MYT1L: variants seen among roughly 807,000 people sequenced by gnomAD.
MYT1L encodes the protein myelin transcription factor 1-like protein.
A neutral mutation model predicts 126.7 loss-of-function variants in MYT1L; 12 were observed. The observed-to-expected ratio is 0.09, with a 90% CI of 0.06 to 0.15. The LOEUF (loss-of-function observed/expected upper bound fraction) is 0.15, where lower values mean the gene tolerates loss of function less well. MYT1L is among the 10% of genes least tolerant of loss of function. The pLI is 1.00. For synonymous variants in MYT1L, 541 were observed against 604.2 expected (o/e 0.90, Z 1.53); for missense variants, 979 against 1,585.2 (o/e 0.62, Z 6.49).
chr2:2,209,324 C>T (rs2093422902), intron 2 of MYT1L, among the ~76,000 whole-genome samples: 1 of 152,132 alleles, frequency 6.6e-6, no homozygotes, highest in African/African-American at 2.4e-5. Context: ...CCTTGTTGTG[C>T]TATCAAATAC....
At chr2:2,215,817 C>G (rs1053005369) in intron 2 of MYT1L, among the ~76,000 whole-genome samples, 1 of 152,074 alleles carries the variant, frequency 6.6e-6, no homozygotes, top group Non-Finnish European at 1.5e-5. Context: ...TTGCATCCCC[C>G]AGTGTTGGAG....
At chr2:1,941,524 A>G (rs966560629) in intron 9 of MYT1L, among the ~76,000 whole-genome samples, 1 of 152,204 alleles carries the variant, frequency 6.6e-6, no homozygotes, top group African/African-American at 2.4e-5. Context: ...CTCATGAATG[A>G]CACTGGTGCC....
chr2:1,847,083 C>T (rs768097419), intron 19 of MYT1L, among the ~76,000 whole-genome samples: 1 of 152,166 alleles, frequency 6.6e-6, no homozygotes, highest in African/African-American at 2.4e-5. Flanking sequence ...CGTTTGACTG[C>T]CATGCTGGAG....
chr2:1,790,961 A>G lies in MYT1L; in HGVS notation c.*906T>C. On this transcript the variant is annotated 3_prime_UTR_variant, in exon 25 of 25. Coordinates refer to ENST00000647738, the MANE Select transcript of MYT1L (RefSeq NM_001303052.2). ...ATAACAGACAGTTCAGAGGGGCACG[A>G]AACTCTAGGGGAGATACGAGAAGGT... 3.9e-6 allele frequency: 1 copy of G among 256,864 alleles called. No homozygotes were observed. Among genetic ancestry groups the G allele is most frequent in the Non-Finnish European group, 7.8e-6 (1 of 128,232 alleles). The allele number at this position is 256,864 out of a possible 1,614,324, so 15.9% of individuals were successfully genotyped here.
At chr2:2,156,441 C>A (rs73913228) in intron 3 of MYT1L, among the ~76,000 whole-genome samples, 1,528 of 152,270 alleles carry the variant, frequency 0.01, 28 homozygotes, top group African/African-American at 0.031. Context: ...TGTATCCTCG[C>A]ATAGCAAGAG....
chr2:2,231,007 C>G (rs1227653186), intron 2 of MYT1L, among the ~76,000 whole-genome samples: 1 of 152,116 alleles, frequency 6.6e-6, no homozygotes, highest in Non-Finnish European at 1.5e-5. Context: ...GGGAACTTAC[C>G]CAGCCCCCAC....
rs547368733 is a variant in MYT1L at position 2,161,388 on chromosome 2, A to C, written c.-304+11484T>G. Among the ~76,000 whole-genome samples, 10 of 152,354 alleles carry C rather than the reference A, an allele frequency of 6.6e-5. No homozygotes were observed. The South Asian group carries it at 1.9e-3, about 28-fold the overall frequency. ...TAGGAATTTATGCTAAATTATTTCT[A>C]GCTAAAATTACATGCTCACTTGGAT... On this transcript the variant is annotated intron_variant, in intron 3 of 24. Transcript: ENST00000647738.
intron 8 of MYT1L, among the ~76,000 whole-genome samples, chr2:1,963,573 G>C (rs920774248): frequency 2.0e-5 from 3 of 152,234 alleles, no homozygotes; most frequent in Non-Finnish European, 4.4e-5. Context: ...TTGAAGATCT[G>C]TGATTTAGTG....
At chr2:1,988,730 G>T (rs1330643711) in intron 5 of MYT1L, among the ~76,000 whole-genome samples, 10 of 152,198 alleles carry the variant, frequency 6.6e-5, no homozygotes, top group African/African-American at 1.9e-4. Flanking sequence ...ACAGAGCTTG[G>T]TGCATAGCAG....
intron 8 of MYT1L, among the ~76,000 whole-genome samples, chr2:1,960,605 A>G (rs921698490): frequency 2.6e-5 from 4 of 152,222 alleles, no homozygotes; most frequent in Admixed American, 6.5e-5. Flanking sequence ...TGAGTGTTTC[A>G]GCCACATTAG....
At chr2:2,223,335 T>G (rs2093928350) in intron 2 of MYT1L, among the ~76,000 whole-genome samples, 2 of 152,238 alleles carry the variant, frequency 1.3e-5, no homozygotes, top group Admixed American at 6.5e-5. Flanking sequence ...AGAGAGTATC[T>G]TTGCTAGGCT....
intron 9 of MYT1L, among the ~76,000 whole-genome samples, chr2:1,926,213 C>T (rs922633372): frequency 3.9e-5 from 6 of 152,118 alleles, no homozygotes; most frequent in Non-Finnish European, 5.9e-5. Context: ...GTATTTAACT[C>T]TTTTAAAACA....
intron 9 of MYT1L, among the ~76,000 whole-genome samples, chr2:1,932,642 G>A (rs754819316): frequency 5.3e-5 from 8 of 152,154 alleles, no homozygotes; most frequent in South Asian, 2.1e-4. Flanking sequence ...AAAAGACAAC[G>A]GACAGTACGT....
At chr2:2,277,143 G>A (rs750132699) in intron 2 of MYT1L, among the ~76,000 whole-genome samples, 2 of 151,874 alleles carry the variant, frequency 1.3e-5, no homozygotes, top group Non-Finnish European at 2.9e-5. Flanking sequence ...CACCACCCCC[G>A]GCTAATTTTT....
intron 3 of MYT1L, among the ~76,000 whole-genome samples, chr2:2,095,940 C>A (rs1022699912): frequency 6.6e-6 from 1 of 152,074 alleles, no homozygotes; most frequent in Admixed American, 6.5e-5. Flanking sequence ...CCCCAGATGC[C>A]GCTGAGGAGG....
chr2:2,036,576 C>T (rs1005530878), intron 4 of MYT1L, among the ~76,000 whole-genome samples: 4 of 152,246 alleles, frequency 2.6e-5, no homozygotes, highest in Non-Finnish European at 4.4e-5. Context: ...GGCAGAAACT[C>T]GGCAGCCACG....
intron 8 of MYT1L, among the ~76,000 whole-genome samples, chr2:1,953,220 C>T (rs2058045716): frequency 6.6e-6 from 1 of 152,152 alleles, no homozygotes; most frequent in Non-Finnish European, 1.5e-5. Flanking sequence ...GCCTTGGCCT[C>T]CCAAAGTGCT....
chr2:2,178,984 G>A (rs1404903566), intron 2 of MYT1L, among the ~76,000 whole-genome samples: 1 of 152,160 alleles, frequency 6.6e-6, no homozygotes, highest in African/African-American at 2.4e-5. Context: ...TTTCCATGGG[G>A]CTTAGAAAAA....
At chr2:2,132,280 T>TA (rs1479436363) in intron 3 of MYT1L, among the ~76,000 whole-genome samples, 1 of 151,996 alleles carries the variant, frequency 6.6e-6, no homozygotes, top group Non-Finnish European at 1.5e-5. Context: ...CATGCACACA[T>TA]ACGTTTATTG....
Sources: allele counts gnomAD v4.1 joint callset (sites outside exome capture counted in the v4.1 genomes callset), GRCh38; gene constraint gnomAD v4.1.1; transcripts MANE v1.5; gene names NCBI Gene and HGNC (gene_info 2026-07-23, HGNC 2026-07-21).